FRMD4B: variants seen among roughly 807,000 people sequenced by gnomAD.
FRMD4B encodes FERM domain containing 4B.
A neutral mutation model predicts 141.5 loss-of-function variants in FRMD4B; 74 were observed. The ratio of observed to expected loss-of-function variants is 0.52; its 90% CI spans 0.43 to 0.63. The LOEUF (loss-of-function observed/expected upper bound fraction) is 0.63, where lower values mean the gene tolerates loss of function less well. Among genes scored for constraint, FRMD4B ranks in the 30% least tolerant of loss-of-function variants. The pLI, the probability that FRMD4B is intolerant of heterozygous loss-of-function variation, is 0.00. For synonymous variants in FRMD4B, 506 were observed against 467.9 expected, an observed-to-expected ratio of 1.08 and a Z score of -1.05; for missense variants, 1,366 against 1,253.4, an observed-to-expected ratio of 1.09 and a Z score of -1.36.
chr3:69,528,664 C>G (rs1022964814), intron 1 of FRMD4B, among the ~76,000 whole-genome samples: 2 of 152,132 alleles, frequency 1.3e-5, no homozygotes, highest in Non-Finnish European at 2.9e-5. Context: ...CCGCACCCAG[C>G]CTATGGTTTT....
intron 14 of FRMD4B, 96 bp downstream of exon 14, chr3:69,196,159 A>G: frequency 1.0e-6 from 1 of 970,552 alleles, no homozygotes; most frequent in Admixed American, 2.8e-5. Context: ...TTATTCCCAA[A>G]ATAATGGATT....
chr3:69,197,164 C>T (rs970276248), intron 12 of FRMD4B, 126 bp from the exon 13 acceptor site: 25 of 636,656 alleles, frequency 3.9e-5, no homozygotes, highest in South Asian at 2.1e-4. Flanking sequence ...AAAACTCTTA[C>T]GCAAATGGGG....
Position 69,196,265 on chromosome 3 carries a change from T to TAAACTGCCATTACTTGCC in FRMD4B, c.1206_1223dup (p.Ala403_Leu408dup). 6.2e-7 allele frequency: 1 copy of TAAACTGCCATTACTTGCC among 1,602,388 alleles called. No individual in the cohort carries two copies. The highest frequency in any genetic ancestry group is 1.8e-5 in the Admixed American group (1 of 56,216). Reference sequence around the variant, plus strand: ...ATCCCAAGATGTTACCTGAGGAGATTAAACTGCCATTACTTGCCATGATGA... The same window carrying TAAACTGCCATTACTTGCC: ...ATCCCAAGATGTTACCTGAGGAGATTAAACTGCCATTACTTGCCAAACTGCCATTACTTGCCATGATGA... On this transcript the variant is annotated inframe_insertion, in exon 14 of 23. Coordinates refer to ENST00000398540, the MANE Select transcript of FRMD4B (RefSeq NM_015123.3).
intron 2 of FRMD4B, among the ~76,000 whole-genome samples, chr3:69,405,493 G>T (rs1704634686): frequency 6.6e-6 from 1 of 152,176 alleles, no homozygotes. Flanking sequence ...ACCATGACTG[G>T]CAGCCCTGTG....
At chr3:69,477,303 C>T (rs948592787) in intron 1 of FRMD4B, among the ~76,000 whole-genome samples, 1 of 147,944 alleles carries the variant, frequency 6.8e-6, no homozygotes, top group Non-Finnish European at 1.5e-5. Flanking sequence ...GGGAATGCTT[C>T]CAGTTTTTGC....
intron 4 of FRMD4B, among the ~76,000 whole-genome samples, chr3:69,301,038 C>A (rs1462065419): frequency 6.6e-6 from 1 of 151,938 alleles, no homozygotes; most frequent in Non-Finnish European, 1.5e-5. Context: ...GCCTGGCTAG[C>A]TGCAACCCAA....
chr3:69,478,863 G>A (rs980444276), intron 1 of FRMD4B, among the ~76,000 whole-genome samples: 1 of 151,666 alleles, frequency 6.6e-6, no homozygotes, highest in African/African-American at 2.4e-5. Flanking sequence ...GGTCACTCAG[G>A]ACTTGCTTTA....
At chr3:69,455,566 C>T (rs370512606) in intron 1 of FRMD4B, among the ~76,000 whole-genome samples, 10 of 152,188 alleles carry the variant, frequency 6.6e-5, no homozygotes, top group East Asian at 5.8e-4. Context: ...CGAACACGTC[C>T]GACGGAACAT....
intron 1 of FRMD4B, among the ~76,000 whole-genome samples, chr3:69,316,386 A>G (rs1004056402): frequency 3.3e-5 from 5 of 152,164 alleles, no homozygotes; most frequent in East Asian, 3.8e-4. Context: ...AGTTTACAAC[A>G]TGGCAACATC....
chr3:69,281,838 A>AATATATATATAT (rs1553715922), intron 5 of FRMD4B, among the ~76,000 whole-genome samples: 21 of 128,224 alleles, frequency 1.6e-4, no homozygotes, highest in African/African-American at 4.6e-4. Flanking sequence ...AAAAAAAAAA[A>AATATATATATAT]ATATATATAT....
chr3:69,506,679 G>A (rs539184054), intron 1 of FRMD4B, among the ~76,000 whole-genome samples: 9 of 152,040 alleles, frequency 5.9e-5, no homozygotes, highest in South Asian at 2.1e-4. Flanking sequence ...GACTATAGGC[G>A]GGGGCCACCA....
chr3:69,475,474 A>G lies in FRMD4B; in HGVS notation c.-128-42713T>C, dbSNP rs1398255453. Among the ~76,000 whole-genome samples the G allele has an allele frequency of 2.0e-5, 3 of 148,332 alleles. 1 individual carries two copies. The highest frequency in any genetic ancestry group is 7.0e-5 in the Admixed American group (1 of 14,346). ...ATGTGGTGTTTGGTTTTTTGTTCTT[A>G]CGATAGTTTACTGAGAATGATGATT... On this transcript the variant is annotated intron_variant, in intron 1 of 5. Coordinates refer to the FRMD4B transcript ENST00000459638.
intron 1 of FRMD4B, among the ~76,000 whole-genome samples, chr3:69,511,228 AT>A (rs35942125): frequency 3.4e-4 from 51 of 151,854 alleles, no homozygotes; most frequent in Middle Eastern, 6.8e-3. Flanking sequence ...TTTGCATTTC[AT>A]TTTTTTTCCC....
chr3:69,171,662 G>T lies in FRMD4B; in HGVS notation c.*199C>A. On this transcript the variant is annotated 3_prime_UTR_variant, in exon 23 of 23. Transcript: ENST00000398540. The stretch of plus-strand genomic sequence containing the variant: ...ACAGTTACGTTAGTGCCTAGAGTTT[G>T]AAAGGCCAAATCCTCCTTTAGGGGC... 1.8e-6 allele frequency: 1 copy of T among 552,410 alleles called. No individual in the cohort carries two copies. The highest frequency in any genetic ancestry group is 3.2e-6 in the Non-Finnish European group (1 of 310,590). The allele number at this position is 552,410 out of a possible 1,614,324, so 34.2% of individuals were successfully genotyped here. A position where few individuals can be genotyped will look rare whatever the true frequency, so the allele number is the denominator to read the frequency against.
chr3:69,447,004 T>C (rs1006709287), intron 1 of FRMD4B, among the ~76,000 whole-genome samples: 1 of 152,144 alleles, frequency 6.6e-6, no homozygotes, highest in African/African-American at 2.4e-5. Context: ...TTTTTTTTAA[T>C]GCTAGGGAAA....
chr3:69,408,446 A>G (rs1329227149), intron 2 of FRMD4B, among the ~76,000 whole-genome samples: 1 of 152,206 alleles, frequency 6.6e-6, no homozygotes, highest in Non-Finnish European at 1.5e-5. Context: ...TTCTCCAGAA[A>G]GCCCTTGTTG....
In FRMD4B at chr3:69,306,135, T is replaced by G. The variant is rs778091466; in HGVS notation, c.324-3700A>C. Among the ~76,000 whole-genome samples, 98 of 152,328 alleles carry G rather than the reference T, an allele frequency of 6.4e-4. 1 individual carries two copies. Among genetic ancestry groups the G allele is most frequent in the Non-Finnish European group, 6.0e-4 (41 of 68,034 alleles). ...ACAATCTCATCAATAGGAAAAAGTC[T>G]AGAAGAATTTTTTAAAAAATGCCCA... is the stretch of plus-strand genomic sequence containing the variant. On this transcript the variant is annotated intron_variant, in intron 3 of 22. Coordinates refer to ENST00000398540, the MANE Select transcript of FRMD4B (RefSeq NM_015123.3).
intron 11 of FRMD4B, among the ~76,000 whole-genome samples, chr3:69,210,417 C>CT (rs35982668): frequency 1.4e-3 from 200 of 145,602 alleles, no homozygotes; most frequent in African/African-American, 1.9e-3. Flanking sequence ...CACAAGGCTG[C>CT]TTTTTTTTTT....
rs918839699 is a variant in FRMD4B, at chr3:69,406,354, C to A, written c.-1+26280G>T. ...CTTTGCTGTCAAGATGCCAACTGTG[C>A]AAGGCTCTAACGAGACTTTCCCAGT... is the stretch of plus-strand genomic sequence containing the variant. On this transcript the variant is annotated intron_variant, in intron 2 of 5. Transcript: ENST00000459638. Among the ~76,000 whole-genome samples the A allele has an allele frequency of 1.1e-4, 17 of 152,300 alleles. No homozygotes were observed. The East Asian group carries it at 3.1e-3, about 28-fold the overall frequency.
Sources: gnomAD v4.1 joint callset for allele counts (sites outside exome capture counted in the v4.1 genomes callset) on GRCh38, gnomAD v4.1.1 for gene constraint, MANE v1.5 for transcripts, NCBI Gene and HGNC (gene_info 2026-07-23, HGNC 2026-07-21) for gene names.